NAV3: variants seen among roughly 807,000 people sequenced by gnomAD.
NAV3 encodes pore membrane and/or filament interacting like protein 1.
Under a neutral mutation model 244.7 loss-of-function variants are expected in NAV3, and 87 were observed. That is an observed-to-expected ratio of 0.36 (90% confidence interval 0.30 to 0.42). The LOEUF (loss-of-function observed/expected upper bound fraction) is 0.42. NAV3 is among the 20% of genes least tolerant of loss of function. The pLI, the probability that NAV3 is intolerant of heterozygous loss-of-function variation, is 1.00. For synonymous variants in NAV3, 1,126 were observed against 1,042.2 expected, an observed-to-expected ratio of 1.08 and a Z score of -1.55; for missense variants, 2,663 against 2,893.3, an observed-to-expected ratio of 0.92 and a Z score of 1.83.
intron 9 of NAV3, among the ~76,000 whole-genome samples, chr12:78,045,221 T>C (rs1485894637): frequency 6.6e-6 from 1 of 152,202 alleles, no homozygotes; most frequent in African/African-American, 2.4e-5. Context: ...CTTTATGTGA[T>C]GGATTACATT....
chr12:78,152,615 A>G (rs564482712), intron 22 of NAV3, among the ~76,000 whole-genome samples: 3 of 152,058 alleles, frequency 2.0e-5, no homozygotes, highest in African/African-American at 7.2e-5. Flanking sequence ...CTCAGTTGTA[A>G]GAAGTGCTGT....
chr12:77,845,482 G>C (rs970462757), intron 1 of NAV3, among the ~76,000 whole-genome samples: 1 of 151,848 alleles, frequency 6.6e-6, no homozygotes, highest in Non-Finnish European at 1.5e-5. Context: ...AAATCATCAC[G>C]CTTTACTTCA....
intron 12 of NAV3, among the ~76,000 whole-genome samples, chr12:78,103,016 A>C (rs1954616045): frequency 6.6e-6 from 1 of 152,148 alleles, no homozygotes; most frequent in Non-Finnish European, 1.5e-5. Context: ...GGGGATTAAC[A>C]CTGGCTCCTT....
intron 11 of NAV3, among the ~76,000 whole-genome samples, chr12:78,053,939 A>T (rs930723185): frequency 3.3e-5 from 5 of 152,302 alleles, no homozygotes; most frequent in Admixed American, 3.3e-4. Flanking sequence ...GATTGACAAT[A>T]TATACTCACA....
chr12:77,874,628 T>C (rs1881577744), intron 1 of NAV3, among the ~76,000 whole-genome samples: 1 of 152,158 alleles, frequency 6.6e-6, no homozygotes, highest in African/African-American at 2.4e-5. Flanking sequence ...AAAAATCTAA[T>C]TTCACTCTAT....
intron 1 of NAV3, among the ~76,000 whole-genome samples, chr12:77,851,261 C>T (rs1215039239): frequency 1.3e-5 from 2 of 152,118 alleles, no homozygotes; most frequent in African/African-American, 4.8e-5. Context: ...GCTTCTTTCT[C>T]AGGAATTCAA....
At chr12:77,576,784 G>GTC (rs1401254780) in intron 2 of NAV3, among the ~76,000 whole-genome samples, 1 of 151,932 alleles carries the variant, frequency 6.6e-6, no homozygotes, top group Non-Finnish European at 1.5e-5. Flanking sequence ...GTGAGGATAG[G>GTC]TCTAGCCCTT....
chr12:78,185,504 T>C (rs1958673513), intron 30 of NAV3, 97 bp from the exon 31 acceptor site: 1 of 1,039,704 alleles, frequency 9.6e-7, no homozygotes, highest in East Asian at 2.7e-5. Flanking sequence ...CAAATCCCAT[T>C]GAAAGATATA....
At chr12:78,186,471 T>A (rs1189110679) in intron 31 of NAV3, among the ~76,000 whole-genome samples, 2 of 151,898 alleles carry the variant, frequency 1.3e-5, no homozygotes, top group Non-Finnish European at 2.9e-5. Flanking sequence ...ACCATCAACT[T>A]TCTGCTTGAG....
intron 1 of NAV3, among the ~76,000 whole-genome samples, chr12:77,915,353 T>A (rs1482591856): frequency 1.3e-5 from 2 of 152,052 alleles, no homozygotes; most frequent in Non-Finnish European, 2.9e-5. Flanking sequence ...AAATTCTTCC[T>A]GGCATTGCAA....
intron 1 of NAV3, among the ~76,000 whole-genome samples, chr12:77,922,267 G>T (rs893356141): frequency 6.6e-6 from 1 of 151,864 alleles, no homozygotes; most frequent in Non-Finnish European, 1.5e-5. Flanking sequence ...GGTTTTTTTG[G>T]GTTTTGTTTT....
chr12:78,033,333 T>C (rs1291843860), intron 9 of NAV3, among the ~76,000 whole-genome samples: 2 of 152,100 alleles, frequency 1.3e-5, no homozygotes, highest in African/African-American at 4.8e-5. Context: ...ATTATAATTA[T>C]GTTTACTAAA....
chr12:77,969,621 T>G (rs1892827066), intron 5 of NAV3, among the ~76,000 whole-genome samples: 1 of 152,074 alleles, frequency 6.6e-6, no homozygotes, highest in South Asian at 2.1e-4. Context: ...CCGAGGTGGA[T>G]GTATCACAAG....
intron 7 of NAV3, among the ~76,000 whole-genome samples, chr12:78,001,308 C>A (rs1873257235): frequency 3.3e-5 from 5 of 152,068 alleles, no homozygotes; most frequent in Admixed American, 3.3e-4. Context: ...ATAACAAGAT[C>A]TTTTACTGGC....
At chr12:78,201,045 CTCTT>C (rs569605010) in intron 38 of NAV3, among the ~76,000 whole-genome samples, 1,521 of 127,288 alleles carry the variant, frequency 0.012, 28 homozygotes, top group African/African-American at 0.042. Flanking sequence ...TTCTCTCTCT[CTCTT>C]TCTTTCTTTG....
chr12:77,968,258 A>G (rs1892685699), intron 4 of NAV3, among the ~76,000 whole-genome samples: 1 of 152,196 alleles, frequency 6.6e-6, no homozygotes, highest in South Asian at 2.1e-4. Flanking sequence ...TTGTAGTTCA[A>G]GGTCAGCAAA....
At chr12:77,618,412 T>C (rs1291867980) in intron 2 of NAV3, among the ~76,000 whole-genome samples, 2 of 152,218 alleles carry the variant, frequency 1.3e-5, no homozygotes, top group African/African-American at 4.8e-5. Flanking sequence ...TATTAATTAC[T>C]CTTCATAATG....
chr12:77,627,646 G>A (rs1357322858), intron 2 of NAV3, among the ~76,000 whole-genome samples: 1 of 152,076 alleles, frequency 6.6e-6, no homozygotes, highest in African/African-American at 2.4e-5. Flanking sequence ...TAAAATTAAA[G>A]TAAAATATGA....
chr12:77,980,681 A>G (rs1315775353), intron 5 of NAV3, among the ~76,000 whole-genome samples: 2 of 152,130 alleles, frequency 1.3e-5, no homozygotes, highest in African/African-American at 2.4e-5. Flanking sequence ...TTGAGATGTA[A>G]TTTTACTCCA....
Sources: allele counts gnomAD v4.1 joint callset (sites outside exome capture counted in the v4.1 genomes callset), GRCh38; gene constraint gnomAD v4.1.1; transcripts MANE v1.5; gene names NCBI Gene and HGNC (gene_info 2026-07-23, HGNC 2026-07-21).